The following ADGRL2 variants were observed in gnomAD, a reference collection of about 807,000 sequenced individuals.
ADGRL2 encodes adhesion G protein-coupled receptor L2, also known as calcium-independent alpha-latrotoxin receptor 2.
A neutral mutation model predicts 157.4 loss-of-function variants in ADGRL2; 44 were observed. The observed-to-expected ratio is 0.28, with a 90% confidence interval of 0.22 to 0.36. The LOEUF is 0.36. Ranked by LOEUF, ADGRL2 falls within the 10% of genes least tolerant of loss-of-function variation. The probability of loss-of-function intolerance (pLI) is 1.00; values close to 1 mark genes in which losing one functional copy is unlikely to be tolerated. For synonymous variants in ADGRL2, 585 were observed against 624.7 expected (o/e 0.94, Z 0.95); for missense variants, 1,510 against 1,768.9 (o/e 0.85, Z 2.63).
intron 2 of ADGRL2, among the ~76,000 whole-genome samples, chr1:81,488,903 T>C (rs2147935686): frequency 6.6e-6 from 1 of 152,054 alleles, no homozygotes; most frequent in South Asian, 2.1e-4. Flanking sequence ...AGAAAGTCAA[T>C]AAAATGATGT....
At chr1:81,360,676 G>C (rs796422836) in intron 1 of ADGRL2, among the ~76,000 whole-genome samples, 1 of 151,634 alleles carries the variant, frequency 6.6e-6, no homozygotes, top group Non-Finnish European at 1.5e-5. Flanking sequence ...GTATTTCCAG[G>C]ACCTAGGAAA....
chr1:81,849,997 G>T (rs1011920579), intron 2 of ADGRL2, among the ~76,000 whole-genome samples: 11 of 151,738 alleles, frequency 7.2e-5, no homozygotes, highest in South Asian at 4.2e-4. Flanking sequence ...ACACAACATG[G>T]TTGACATTGT....
chr1:81,435,636 G>A (rs11163294), intron 1 of ADGRL2, among the ~76,000 whole-genome samples: 12,343 of 152,262 alleles, frequency 0.081, 579 homozygotes, highest in African/African-American at 0.14. Context: ...TGGTTAATTT[G>A]TAGGTAGACA....
intron 2 of ADGRL2, among the ~76,000 whole-genome samples, chr1:81,787,562 G>A (rs2087114120): frequency 6.6e-6 from 1 of 152,150 alleles, no homozygotes; most frequent in Non-Finnish European, 1.5e-5. Flanking sequence ...AGCTGAGGCA[G>A]GAGAATTGCT....
At chr1:81,638,724 A>G (rs535856925) in intron 3 of ADGRL2, among the ~76,000 whole-genome samples, 56 of 152,344 alleles carry the variant, frequency 3.7e-4, no homozygotes, top group Middle Eastern at 3.4e-3. Context: ...AATCATAAAA[A>G]TTATTCAATT....
At chr1:81,598,760 G>A (rs1314357150) in intron 3 of ADGRL2, among the ~76,000 whole-genome samples, 3 of 152,200 alleles carry the variant, frequency 2.0e-5, no homozygotes, top group African/African-American at 4.8e-5. Context: ...TGGCACTCAC[G>A]CCTCAGTTTC....
At chr1:81,309,840 A>G (rs1321612374) in intron 1 of ADGRL2, among the ~76,000 whole-genome samples, 1 of 152,122 alleles carries the variant, frequency 6.6e-6, no homozygotes. Context: ...ACATCTCTTT[A>G]TATGTTTAAA....
intron 1 of ADGRL2, among the ~76,000 whole-genome samples, chr1:81,817,426 G>T (rs917896122): frequency 6.6e-6 from 1 of 151,850 alleles, no homozygotes; most frequent in African/African-American, 2.4e-5. Context: ...CATGAATTTG[G>T]TAATAAATCT....
At chr1:81,791,499 C>A (rs2087344071) in intron 2 of ADGRL2, among the ~76,000 whole-genome samples, 1 of 151,754 alleles carries the variant, frequency 6.6e-6, no homozygotes, top group Non-Finnish European at 1.5e-5. Flanking sequence ...TAAATTAATG[C>A]CAAAGGAAAT....
intron 3 of ADGRL2, among the ~76,000 whole-genome samples, chr1:81,915,969 A>G (rs1190692277): frequency 6.6e-6 from 1 of 152,130 alleles, no homozygotes; most frequent in East Asian, 1.9e-4. Flanking sequence ...CTATATCATC[A>G]CATACCTTGT....
intron 1 of ADGRL2, among the ~76,000 whole-genome samples, chr1:81,339,083 G>A (rs1483476228): frequency 6.6e-6 from 1 of 152,130 alleles, no homozygotes; most frequent in Non-Finnish European, 1.5e-5. Flanking sequence ...ACCACCTCTA[G>A]ATTCCCATAG....
chr1:81,734,226 G>A (rs955475084), intron 1 of ADGRL2, among the ~76,000 whole-genome samples: 97 of 146,172 alleles, frequency 6.6e-4, no homozygotes, highest in Admixed American at 2.0e-3. Flanking sequence ...GCAATGAGCC[G>A]AGATCACACC....
In ADGRL2 at chr1:81,345,984, G is replaced by A. The variant is rs146262736; in HGVS notation, c.-302+39475G>A. Among the ~76,000 whole-genome samples, 482 of 152,168 alleles carry A rather than the reference G, an allele frequency of 3.2e-3. 2 individuals are homozygous for A. The highest frequency in any genetic ancestry group is 5.6e-3 in the Non-Finnish European group (381 of 67,994). On this transcript the variant is annotated intron_variant, in intron 1 of 24. Transcript: ENST00000370721. Reference sequence around the variant, plus strand: ...TTTTTTAATATTTCTAGCCTCTATTGTCTCACATTTGATTTTCTATGGCAA... The same window carrying A: ...TTTTTTAATATTTCTAGCCTCTATTATCTCACATTTGATTTTCTATGGCAA...
At chr1:81,980,062 A>C in intron 18 of ADGRL2, 102 bp downstream of exon 18, 1 of 676,660 alleles carries the variant, frequency 1.5e-6, no homozygotes, top group South Asian at 1.9e-5. Flanking sequence ...TGTAGAAATT[A>C]TTCAGAATGA....
intron 2 of ADGRL2, among the ~76,000 whole-genome samples, chr1:81,887,323 C>T (rs2094149044): frequency 6.6e-6 from 1 of 152,112 alleles, no homozygotes; most frequent in African/African-American, 2.4e-5. Context: ...ACATAACTAT[C>T]CTTGGTTCCA....
In ADGRL2 at chr1:81,810,786, G is replaced by A. The variant is rs576140842; in HGVS notation, c.-101+9718G>A. Among the ~76,000 whole-genome samples the A allele has an allele frequency of 1.2e-4, 18 of 151,954 alleles. No individual in the cohort carries two copies. The South Asian group carries it at 3.5e-3, about 30-fold the overall frequency. ...TACATCTCTCCAATATTAAAGAGAT[G>A]AGCATAATTCTAAAACACGTCACTT... On this transcript the variant is annotated intron_variant, in intron 1 of 23. Transcript: ENST00000686636.
At chr1:81,717,166 G>T (rs1453459558) in intron 1 of ADGRL2, among the ~76,000 whole-genome samples, 1 of 152,160 alleles carries the variant, frequency 6.6e-6, no homozygotes, top group Non-Finnish European at 1.5e-5. Flanking sequence ...GCAAAGGCTT[G>T]GGAATGTCTG....
intron 1 of ADGRL2, among the ~76,000 whole-genome samples, chr1:81,710,417 G>A (rs2083886671): frequency 1.3e-5 from 2 of 151,798 alleles, no homozygotes; most frequent in Non-Finnish European, 2.9e-5. Flanking sequence ...CCAGGAGTTC[G>A]AGACCAGCCT....
At chr1:81,374,226 A>T (rs1342397939) in intron 1 of ADGRL2, among the ~76,000 whole-genome samples, 2 of 152,218 alleles carry the variant, frequency 1.3e-5, no homozygotes, top group East Asian at 3.8e-4. Flanking sequence ...AGCACACAAC[A>T]AAGCCCCAAC....
Sources: allele counts gnomAD v4.1 joint callset (sites outside exome capture counted in the v4.1 genomes callset), GRCh38; gene constraint gnomAD v4.1.1; transcripts MANE v1.5; gene names NCBI Gene and HGNC (gene_info 2026-07-23, HGNC 2026-07-21).